TGM1: variants seen among roughly 807,000 people sequenced by gnomAD.
The protein encoded by TGM1 is protein-glutamine gamma-glutamyltransferase K.
TGM1 carries 63 observed loss-of-function variants against 88.7 expected under a neutral mutation model. The observed-to-expected ratio is 0.71, with a 90% CI of 0.58 to 0.88. The LOEUF is 0.88. TGM1 is among the 40% of genes least tolerant of loss of function. The probability of loss-of-function intolerance (pLI) is 0.00; values close to 1 mark genes in which losing one functional copy is unlikely to be tolerated. For missense variants in TGM1, 996 were observed against 1,118.0 expected (o/e 0.89, Z 1.56); for synonymous variants, 415 against 431.1 (o/e 0.96, Z 0.46).
At position 24,253,448 on chromosome 14, in the gene TGM1, G is replaced by C. The variant is rs923244178; in HGVS notation, c.2225+704C>G. 5.3e-5 allele frequency among the ~76,000 whole-genome samples: 8 copies of C among 150,904 alleles called. No homozygotes were observed. In the East Asian group the frequency reaches 5.8e-4, roughly 11 times the overall value. ...ACTTCGCTTGTGTGTGTGTGTCTCT[G>C]TGTGTGTGTGTGTGTCTGTGTGTGT... On this transcript the variant is annotated intron_variant, in intron 14 of 14. Coordinates refer to ENST00000206765, the MANE Select transcript of TGM1 (RefSeq NM_000359.3).
At position 24,250,528 on chromosome 14, in the gene TGM1, C is replaced by T. The variant is rs916489752; in HGVS notation, c.2226-987G>A. Among the ~76,000 whole-genome samples the T allele has an allele frequency of 2.6e-5, 4 of 152,200 alleles. No homozygotes were observed. In the East Asian group the frequency reaches 5.8e-4, roughly 22 times the overall value. ...CATTCCTCCTGCTGAGCAGCCCTAC[C>T]GAATGCCTTCTTCCCCAGACTCACC... On this transcript the variant is annotated intron_variant, in intron 14 of 14. Transcript: ENST00000206765.
intron 3 of TGM1, 111 bp from the exon 4 acceptor site, chr14:24,260,809 C>T: frequency 7.0e-7 from 1 of 1,432,258 alleles, no homozygotes. Context: ...TGTGTATGTC[C>T]CTACGTTGGG....
At position 24,256,012 on chromosome 14, in the gene TGM1, C is replaced by A. The variant is rs866229566; in HGVS notation, c.1468G>T (p.Asp490Tyr). 6.4e-7 allele frequency: 1 copy of A among 1,566,768 alleles called. No homozygotes were observed. The highest frequency in any genetic ancestry group is 8.7e-7 in the Non-Finnish European group (1 of 1,154,460). ...ACCTCAGCAAAAATGAAAGGCGTGT[C>A]GTACTTCATGTAGACCAGGCCATTC... ...IKNGLVYMKYDTPFIFAEVNS... is the reference protein window; with the variant it reads ...IKNGLVYMKYYTPFIFAEVNS... The change falls in exon 10 of 15, where the codon GAC becomes TAC. Residue 490 changes from aspartate (D) to tyrosine (Y), a missense_variant. Coordinates refer to ENST00000206765, the MANE Select transcript of TGM1 (RefSeq NM_000359.3).
At position 24,260,511 on chromosome 14, in the gene TGM1, C is replaced by T. The variant is rs149605227; in HGVS notation, c.696G>A (p.Glu232=). The T allele has an allele frequency of 9.5e-5, 154 of 1,614,228 alleles. 1 individual carries two copies. The African/African-American group carries it at 1.2e-3, about 12-fold the overall frequency. ...FTVRTQSDAG[E]FQLPFDPRNE... ...TGCGGGGGTCAAAGGGCAACTGGAA[C>T]TCCCCAGCGTCTGATTGTGTGCGGA... Residue 232 remains glutamate, a synonymous_variant, in exon 4 of 15, where the codon GAG becomes GAA. Transcript: ENST00000206765.
chr14:24,257,258 C>T (rs2040759985), intron 9 of TGM1, among the ~76,000 whole-genome samples: 1 of 152,090 alleles, frequency 6.6e-6, no homozygotes, highest in Non-Finnish European at 1.5e-5. Flanking sequence ...GACTCTCTGA[C>T]CTGGGGTAAG....
rs372360509 is a variant in TGM1 at position 24,260,051 on chromosome 14, A to G, written c.765T>C (p.Ile255=). ...ILFNPWCPED[I]VYVDHEDWRQ... Reference sequence around the variant, plus strand: ...GCCAATCCTCATGGTCCACGTACACAATGTCCTCTGTGTCCCCAGAACACA... The same window carrying G: ...GCCAATCCTCATGGTCCACGTACACGATGTCCTCTGTGTCCCCAGAACACA... The change falls in exon 5 of 15, where the codon ATT becomes ATC. Residue 255 remains isoleucine (I), a synonymous_variant. Coordinates refer to ENST00000206765, the MANE Select transcript of TGM1 (RefSeq NM_000359.3). 11 of 1,613,840 alleles carry G rather than the reference A, an allele frequency of 6.8e-6. No individual in the cohort carries two copies. Among genetic ancestry groups the G allele is most frequent in the African/African-American group, 6.7e-5 (5 of 74,910 alleles).
At position 24,261,753 on chromosome 14, in the gene TGM1, GAGCATAT is replaced by G; in HGVS notation, c.443_449del (p.His148ProfsTer32). On this transcript the variant is annotated frameshift_variant, in exon 3 of 15. Coordinates refer to ENST00000206765, the MANE Select transcript of TGM1 (RefSeq NM_000359.3). LOFTEE classifies it high-confidence loss of function. ...ATTCATAGGTCCGGGACAGGAGGAG[GAGCATAT>G]GGAAAGGCTGCCCGCGGCGCACTAT... 1 of 1,614,118 alleles carries G rather than the reference GAGCATAT, an allele frequency of 6.2e-7. No individual in the cohort carries two copies. Among genetic ancestry groups the G allele is most frequent in the East Asian group, 2.2e-5 (1 of 44,868 alleles).
At position 24,258,515 on chromosome 14, in the gene TGM1, G is replaced by A; in HGVS notation, c.1298+20C>T. 3 of 1,614,102 alleles carry A rather than the reference G, an allele frequency of 1.9e-6. No homozygotes were observed. The highest frequency in any genetic ancestry group is 2.5e-6 in the Non-Finnish European group (3 of 1,179,984). Reference sequence around the variant, plus strand: ...AGGTCACCATTCTTCAGCACAGATGGGCAGTCCACCCCAGCTCACCAGACA... The same window carrying A: ...AGGTCACCATTCTTCAGCACAGATGAGCAGTCCACCCCAGCTCACCAGACA... On this transcript the variant is annotated intron_variant, in intron 8 of 14. Coordinates refer to ENST00000206765, the MANE Select transcript of TGM1 (RefSeq NM_000359.3).
At chr14:24,256,920 C>T (rs2139021672) in intron 9 of TGM1, among the ~76,000 whole-genome samples, 1 of 152,320 alleles carries the variant, frequency 6.6e-6, no homozygotes, top group South Asian at 2.1e-4. Context: ...TTAATCCTCC[C>T]AATCACCATA....
In TGM1 at chr14:24,254,716, A is replaced by G; in HGVS notation, c.2036T>C (p.Val679Ala). The G allele has an allele frequency of 6.2e-7, 1 of 1,613,994 alleles. No individual in the cohort carries two copies. The highest frequency in any genetic ancestry group is 8.5e-7 in the Non-Finnish European group (1 of 1,180,044). The change falls in exon 13 of 15, where the codon GTG (valine) becomes GCG (alanine). Residue 679 changes from valine (V) to alanine (A), a missense_variant. Transcript: ENST00000206765. ...ACGGAAGGTGTGCTGCTTGGCCAGC[A>G]CCTGCCCGCTCTCCTTGACGTGGCC... ...VSGHVKESGQ[V>A]LAKQHTFRLR... is the part of the protein sequence containing the mutation.
At chr14:24,254,108 A>T in intron 14 of TGM1, 44 bp downstream of exon 14, 1 of 1,588,288 alleles carries the variant, frequency 6.3e-7, no homozygotes, top group South Asian at 1.1e-5. Context: ...GCCTGTGGGG[A>T]AGGCCAGAGT....
In TGM1 at chr14:24,259,121, G is replaced by A. The variant is rs61747601; in HGVS notation, c.1113C>T (p.Ser371=). 7.3e-4 allele frequency: 1,186 copies of A among 1,614,116 alleles called. 14 individuals carry two copies. In the African/African-American group the frequency reaches 0.014, roughly 19 times the overall value. Residue 371 remains serine, a synonymous_variant, in exon 7 of 15, where the codon TCC becomes TCT. Coordinates refer to ENST00000206765, the MANE Select transcript of TGM1 (RefSeq NM_000359.3). This position sits in a 1 kb window ranked among gnomAD's most constrained non-coding sequence, Gnocchi z 5.7. ...ILLSYLRTGY[S]VPYGQCWVFA... is the part of the protein sequence containing the mutation. The stretch of plus-strand genomic sequence containing the variant: ...AGACCCAGCACTGGCCATAGGGGAC[G>A]GAATATCCCGTGCGTAGGTAGCTAA...
intron 14 of TGM1, among the ~76,000 whole-genome samples, chr14:24,251,430 A>G (rs1271784144): frequency 6.6e-6 from 1 of 152,136 alleles, no homozygotes; most frequent in Non-Finnish European, 1.5e-5. Flanking sequence ...TTTTCAAGAG[A>G]AACTGTTTTC....
intron 3 of TGM1, 142 bp from the exon 4 acceptor site, chr14:24,260,840 A>C (rs1316901805): frequency 1.8e-6 from 2 of 1,138,734 alleles, no homozygotes; most frequent in East Asian, 5.1e-5. Flanking sequence ...ATTCTCTGAC[A>C]GTCTCCCTTA....
Position 24,260,545 on chromosome 14 carries a change from T to C in TGM1, c.662A>G (p.Gln221Arg). Residue 221 changes from glutamine to arginine, a missense_variant, in exon 4 of 15, where the codon CAG becomes CGG. Gln to Arg is a conservative substitution (Grantham distance 43, BLOSUM62 1). Transcript: ENST00000206765. Reference protein sequence around the residue: ...TSPNAIIGKFQFTVRTQSDAG... With the variant: ...TSPNAIIGKFRFTVRTQSDAG... ...GTCTGATTGTGTGCGGACTGTGAAC[T>C]GAAACTTGCCGATGATGGCGTTGGG... 1 of 1,614,228 alleles carries C rather than the reference T, an allele frequency of 6.2e-7. No individual in the cohort carries two copies. Among genetic ancestry groups the C allele is most frequent in the Non-Finnish European group, 8.5e-7 (1 of 1,180,042 alleles).
chr14:24,261,619 AC>A, intron 3 of TGM1, 75 bp downstream of exon 3: 1 of 1,563,734 alleles, frequency 6.4e-7, no homozygotes, highest in Non-Finnish European at 8.8e-7. Context: ...GAGCCTAAAG[AC>A]CTCTCTGACC....
At chr14:24,250,146 C>T (rs2040688718) in intron 14 of TGM1, among the ~76,000 whole-genome samples, 1 of 77,520 alleles carries the variant, frequency 1.3e-5, no homozygotes, top group Non-Finnish European at 2.4e-5. Flanking sequence ...ACCCTTATGT[C>T]TCTGTGTGTG....
intron 8 of TGM1, 67 bp from the exon 9 acceptor site, chr14:24,258,455 T>TGCC: frequency 6.2e-7 from 1 of 1,608,894 alleles, no homozygotes; most frequent in Non-Finnish European, 8.5e-7. Context: ...TTCCCCAGCC[T>TGCC]CCCCAGCCCT....
rs982063019 is a variant in TGM1 at position 24,254,347 on chromosome 14, C to G, written c.2089-59G>C. ...AGACCCTGGCCAAACACACGGGGAC[C>G]GTACACTGCACCAGAGAGGGGAAGC... On this transcript the variant is annotated intron_variant, in intron 13 of 14. Transcript: ENST00000206765. 5.6e-6 allele frequency: 9 copies of G among 1,612,200 alleles called. No homozygotes were observed. The African/African-American group carries it at 1.2e-4, about 22-fold the overall frequency.
Sources: allele counts gnomAD v4.1 joint callset (sites outside exome capture counted in the v4.1 genomes callset), GRCh38; gene constraint gnomAD v4.1.1; non-coding constraint Gnocchi (gnomAD v3.1); transcripts MANE v1.5; gene names NCBI Gene and HGNC (gene_info 2026-07-23, HGNC 2026-07-21).